The following MCC variants were observed in gnomAD, a reference collection of about 807,000 sequenced individuals.
MCC encodes the protein colorectal mutant cancer protein.
In MCC, 90 loss-of-function variants were observed where a neutral mutation model predicts 116.2. The ratio of observed to expected loss-of-function variants is 0.77; its 90% confidence interval spans 0.65 to 0.92. MCC has a LOEUF of 0.92. Among genes scored for constraint, MCC ranks in the 40% least tolerant of loss-of-function variants. MCC has a pLI of 0.00. For missense variants in MCC, 1,516 were observed against 1,312.2 expected (o/e 1.16, Z -2.40); for synonymous variants, 578 against 510.5 (o/e 1.13, Z -1.78).
chr5:113,296,461 A>C (rs1766712406), intron 3 of MCC, among the ~76,000 whole-genome samples: 1 of 152,192 alleles, frequency 6.6e-6, no homozygotes, highest in African/African-American at 2.4e-5. Context: ...AAGGAATCTT[A>C]GAAGAGGCAG....
intron 3 of MCC, among the ~76,000 whole-genome samples, chr5:113,289,548 T>C (rs1040668316): frequency 1.3e-5 from 2 of 152,050 alleles, no homozygotes; most frequent in Non-Finnish European, 2.9e-5. Flanking sequence ...TGTGCCCGTT[T>C]CACTTCCATA....
chr5:113,382,727 T>C (rs1458079620), intron 2 of MCC, among the ~76,000 whole-genome samples: 2 of 152,156 alleles, frequency 1.3e-5, no homozygotes, highest in African/African-American at 4.8e-5. Context: ...ATATATTAGC[T>C]CCTTTATTCC....
chr5:113,049,047 G>T (rs201506406), intron 16 of MCC, 46 bp downstream of exon 16: 11 of 1,546,312 alleles, frequency 7.1e-6, no homozygotes, highest in South Asian at 4.5e-5. Flanking sequence ...GCAGTCACTG[G>T]GCAGTCACTG....
intron 3 of MCC, among the ~76,000 whole-genome samples, chr5:113,177,708 T>C (rs937435728): frequency 1.3e-5 from 2 of 152,246 alleles, no homozygotes; most frequent in Admixed American, 6.5e-5. Flanking sequence ...TTAAAATCCA[T>C]GTTTGCATTT....
intron 3 of MCC, among the ~76,000 whole-genome samples, chr5:113,207,268 T>A (rs981741731): frequency 6.6e-6 from 1 of 152,180 alleles, no homozygotes; most frequent in Non-Finnish European, 1.5e-5. Flanking sequence ...ACAGTGGTCT[T>A]ACCTCACAGG....
chr5:113,337,754 G>A (rs1023932747), intron 3 of MCC, among the ~76,000 whole-genome samples: 1 of 152,130 alleles, frequency 6.6e-6, no homozygotes, highest in African/African-American at 2.4e-5. Context: ...AATTTTATTA[G>A]TTCAAGATTT....
At chr5:113,230,542 G>T (rs1053273111) in intron 3 of MCC, among the ~76,000 whole-genome samples, 4 of 152,144 alleles carry the variant, frequency 2.6e-5, no homozygotes, top group African/African-American at 9.7e-5. Flanking sequence ...TTAACAGAGA[G>T]AATTTTTCAC....
At chr5:113,279,400 A>C (rs1178585551) in intron 3 of MCC, among the ~76,000 whole-genome samples, 1 of 152,112 alleles carries the variant, frequency 6.6e-6, no homozygotes, top group Non-Finnish European at 1.5e-5. Flanking sequence ...ATACCTTATT[A>C]ACTCTATATA....
At chr5:113,152,319 T>A (rs191483580) in intron 3 of MCC, among the ~76,000 whole-genome samples, 2 of 152,304 alleles carry the variant, frequency 1.3e-5, no homozygotes, top group African/African-American at 4.8e-5. Context: ...TGGAACTATT[T>A]TTAAGACCCG....
intron 3 of MCC, among the ~76,000 whole-genome samples, chr5:113,229,755 C>A (rs1225275127): frequency 6.6e-6 from 1 of 152,160 alleles, no homozygotes; most frequent in African/African-American, 2.4e-5. Flanking sequence ...CAAATACTTA[C>A]CACTGTGCTA....
chr5:113,056,853 T>C (rs1274154492), intron 14 of MCC, among the ~76,000 whole-genome samples: 1 of 152,058 alleles, frequency 6.6e-6, no homozygotes, highest in East Asian at 1.9e-4. Flanking sequence ...CCTGGAAAAA[T>C]CCCTGCCCTC....
chr5:113,486,561 A>G (rs1772533880), intron 1 of MCC, among the ~76,000 whole-genome samples: 3 of 152,302 alleles, frequency 2.0e-5, no homozygotes, highest in Admixed American at 2.0e-4. Flanking sequence ...TTTTGCATCC[A>G]TGCGGGGAGC....
At chr5:113,219,786 A>G (rs1763469535) in intron 3 of MCC, among the ~76,000 whole-genome samples, 2 of 152,120 alleles carry the variant, frequency 1.3e-5, no homozygotes, top group Admixed American at 6.6e-5. Context: ...GGAGTGCTAT[A>G]AAGAGAATAT....
At chr5:113,046,601 G>A (rs1268871941) in intron 16 of MCC, among the ~76,000 whole-genome samples, 3 of 148,074 alleles carry the variant, frequency 2.0e-5, no homozygotes, top group African/African-American at 7.6e-5. Context: ...GCAAGAACCT[G>A]GTAACTCCAT....
intron 1 of MCC, among the ~76,000 whole-genome samples, chr5:113,438,765 C>T (rs925968411): frequency 2.0e-4 from 31 of 152,242 alleles, no homozygotes; most frequent in African/African-American, 6.5e-4. Flanking sequence ...AAAAACACTA[C>T]GACATGGCAT....
intron 3 of MCC, among the ~76,000 whole-genome samples, chr5:113,189,240 G>C (rs984060696): frequency 6.6e-6 from 1 of 152,254 alleles, no homozygotes. Context: ...ATCACAACTC[G>C]ACAGTCAGCT....
At chr5:113,105,078 T>G (rs988316060) in intron 6 of MCC, among the ~76,000 whole-genome samples, 1 of 152,240 alleles carries the variant, frequency 6.6e-6, no homozygotes, top group Non-Finnish European at 1.5e-5. Flanking sequence ...AGAAGACAAT[T>G]TTGTTGGGAA....
At chr5:113,458,871 T>A (rs142145518) in intron 1 of MCC, among the ~76,000 whole-genome samples, 1 of 152,096 alleles carries the variant, frequency 6.6e-6, no homozygotes, top group Non-Finnish European at 1.5e-5. Flanking sequence ...GGGCCTCCAA[T>A]TGACCAGAGG....
At chr5:113,401,509 C>G (rs7705430) in intron 1 of MCC, among the ~76,000 whole-genome samples, 15,496 of 152,196 alleles carry the variant, frequency 0.1, 1,305 homozygotes, top group African/African-American at 0.22. Context: ...TCTCAATCCT[C>G]TGTCCCTTGG....
Sources: gnomAD v4.1 joint callset for allele counts (sites outside exome capture counted in the v4.1 genomes callset) on GRCh38, gnomAD v4.1.1 for gene constraint, MANE v1.5 for transcripts, NCBI Gene and HGNC (gene_info 2026-07-23, HGNC 2026-07-21) for gene names.